Variants in HMCES observed in about 807,000 individuals in gnomAD.
The protein encoded by HMCES is abasic site processing protein HMCES.
HMCES carries 27 observed loss-of-function variants against 35.1 expected under a neutral mutation model. That is an observed-to-expected ratio of 0.77 (90% CI 0.57 to 1.06). The LOEUF (loss-of-function observed/expected upper bound fraction) is 1.06. Ranked by LOEUF, HMCES falls within the 50% of genes least tolerant of loss-of-function variation. The pLI, the probability that HMCES is intolerant of heterozygous loss-of-function variation, is 0.00. For synonymous variants in HMCES, 130 were observed against 154.7 expected (o/e 0.84, Z 1.18); for missense variants, 391 against 430.4 (o/e 0.91, Z 0.81).
chr3:129,304,519 C>T, intron 6 of HMCES, 70 bp from the exon 7 acceptor site: 2 of 1,337,010 alleles, frequency 1.5e-6, no homozygotes, highest in Non-Finnish European at 2.1e-6. Context: ...TCCCCTGTTT[C>T]TTCCCTTGGA....
chr3:129,291,032 G>A lies in HMCES; in HGVS notation c.453+228G>A, dbSNP rs141467167. 2.9e-3 allele frequency among the ~76,000 whole-genome samples: 444 copies of A among 152,098 alleles called. 1 individual carries two copies. Among genetic ancestry groups the A allele is most frequent in the Non-Finnish European group, 5.1e-3 (347 of 67,982 alleles). ...AGCCTGGGCAACATGGTGAAACCCC[G>A]TCTCTACAAACAATACAAAACTAGC... is the stretch of plus-strand genomic sequence containing the variant. On this transcript the variant is annotated intron_variant, in intron 4 of 6. Coordinates refer to ENST00000383463, the MANE Select transcript of HMCES (RefSeq NM_020187.3).
At chr3:129,298,650 A>G in intron 5 of HMCES, 115 bp downstream of exon 5, 1 of 875,096 alleles carries the variant, frequency 1.1e-6, no homozygotes, top group Non-Finnish European at 1.7e-6. Context: ...TAAAGTTACA[A>G]TCAGTTTGAC....
chr3:129,283,503 A>T (rs1186222624), intron 2 of HMCES, among the ~76,000 whole-genome samples: 2 of 151,764 alleles, frequency 1.3e-5, no homozygotes, highest in Admixed American at 1.3e-4. Flanking sequence ...TTGAGGGGGA[A>T]GTTCTCACTG....
chr3:129,299,322 C>T (rs1475325693), intron 5 of HMCES, among the ~76,000 whole-genome samples: 1 of 152,120 alleles, frequency 6.6e-6, no homozygotes, highest in Non-Finnish European at 1.5e-5. Context: ...AGTCTTAAAT[C>T]CTGGGGCACA....
At chr3:129,281,343 A>G (rs1351926477) in intron 2 of HMCES, among the ~76,000 whole-genome samples, 2 of 152,196 alleles carry the variant, frequency 1.3e-5, no homozygotes, top group African/African-American at 4.8e-5. Flanking sequence ...TTGTGATAAT[A>G]TGATAGTCAA....
chr3:129,283,224 C>T (rs571518958), intron 2 of HMCES, among the ~76,000 whole-genome samples: 1 of 151,960 alleles, frequency 6.6e-6, no homozygotes, highest in South Asian at 2.1e-4. Context: ...CAGATTTTTT[C>T]AGTATTGTTG....
chr3:129,289,278 G>C (rs73862877), intron 3 of HMCES, among the ~76,000 whole-genome samples: 10,177 of 152,222 alleles, frequency 0.067, 1,096 homozygotes, highest in African/African-American at 0.23. Context: ...CAGTTAGATG[G>C]CAGCTGAGGC....
rs768710600 is a variant in HMCES, at chr3:129,279,766, G to T, written c.34G>T (p.Asp12Tyr). The part of the protein sequence containing the change: ...CGRTSCHLPR[D>Y]VLTRACAYQD... ...GCGAACATCCTGTCACTTACCTAGA[G>T]ATGTTCTCACGAGAGCTTGCGCCTA... The change falls in exon 2 of 7, where the codon GAT (aspartate) becomes TAT (tyrosine). Residue 12 changes from aspartate to tyrosine, a missense_variant. Transcript: ENST00000383463. The surrounding 1 kb of genome is among the most constrained non-coding windows in gnomAD (Gnocchi z 4.2). 6.2e-7 allele frequency: 1 copy of T among 1,613,218 alleles called. No individual in the cohort carries two copies. The highest frequency in any genetic ancestry group is 2.2e-5 in the East Asian group (1 of 44,848).
chr3:129,279,620 G>T lies in HMCES; in HGVS notation c.-23-90G>T, dbSNP rs902956713. Reference sequence around the variant, plus strand: ...GGTGGTCACGGAGGGGCACGGCCCTGTGGGAACGGAAAGAGAAGGCGGGGA... The same window carrying T: ...GGTGGTCACGGAGGGGCACGGCCCTTTGGGAACGGAAAGAGAAGGCGGGGA... On this transcript the variant is annotated intron_variant, in intron 1 of 6. Coordinates refer to ENST00000383463, the MANE Select transcript of HMCES (RefSeq NM_020187.3). This position sits in a 1 kb window ranked among gnomAD's most constrained non-coding sequence, Gnocchi z 4.2. 1.5e-6 allele frequency: 2 copies of T among 1,315,302 alleles called. No homozygotes were observed. The allele number at this position is 1,315,302 out of a possible 1,614,324, so 81.5% of individuals were successfully genotyped here. A position where few individuals can be genotyped will look rare whatever the true frequency, so the allele number is the denominator to read the frequency against.
At position 129,279,869 on chromosome 3, in the gene HMCES, C is replaced by A. The variant is rs574456643; in HGVS notation, c.137C>A (p.Pro46His). Residue 46 changes from proline (P) to histidine (H), a missense_variant, in exon 2 of 7, where the codon CCT becomes CAT. Pro to His is a moderately conservative substitution (Grantham distance 77). Transcript: ENST00000383463. This position sits in a 1 kb window ranked among gnomAD's most constrained non-coding sequence, Gnocchi z 4.2. ...DKYCPSYNKSPQSNSPVLLSR... is the reference protein window; with the variant it reads ...DKYCPSYNKSHQSNSPVLLSR... ...TACTGCCCCTCTTACAACAAGAGTCCTCAATCCAACAGCCCAGTGCTTCTG... is the reference window on the plus strand; with the variant it reads ...TACTGCCCCTCTTACAACAAGAGTCATCAATCCAACAGCCCAGTGCTTCTG... 1 of 1,610,520 alleles carries A rather than the reference C, an allele frequency of 6.2e-7. No individual in the cohort carries two copies. The highest frequency in any genetic ancestry group is 1.1e-5 in the South Asian group (1 of 90,464).
chr3:129,303,573 A>G (rs2071197511), intron 6 of HMCES, among the ~76,000 whole-genome samples: 1 of 152,232 alleles, frequency 6.6e-6, no homozygotes, highest in East Asian at 1.9e-4. Context: ...TCCTAGCCGA[A>G]TATCCTAAAT....
chr3:129,299,197 C>T (rs1052470608), intron 5 of HMCES, among the ~76,000 whole-genome samples: 2 of 152,070 alleles, frequency 1.3e-5, no homozygotes, highest in Non-Finnish European at 2.9e-5. Flanking sequence ...CACTTTACCT[C>T]GACAAGACCT....
At chr3:129,301,030 C>CAAAAAA (rs761152034) in intron 5 of HMCES, among the ~76,000 whole-genome samples, 10,828 of 119,102 alleles carry the variant, frequency 0.091, 531 homozygotes, top group Middle Eastern at 0.21. Context: ...GACTCCATCT[C>CAAAAAA]AAAAAAAAAA....
chr3:129,303,387 T>G (rs1002012359), intron 6 of HMCES, among the ~76,000 whole-genome samples: 2 of 152,222 alleles, frequency 1.3e-5, no homozygotes, highest in Non-Finnish European at 2.9e-5. Flanking sequence ...AGTGTCATCT[T>G]TTTTTCTTTT....
chr3:129,280,053 A>C, intron 2 of HMCES, 138 bp downstream of exon 2: 1 of 661,408 alleles, frequency 1.5e-6, no homozygotes. Context: ...CCAGTTGAGA[A>C]CCTCTCTTGG....
chr3:129,302,569 T>C (rs1422635184), intron 6 of HMCES, among the ~76,000 whole-genome samples: 1 of 151,956 alleles, frequency 6.6e-6, no homozygotes, highest in East Asian at 1.9e-4. Context: ...AAAAATTAGC[T>C]GGGTGTGGTG....
rs376431637 is a variant in HMCES at position 129,304,807 on chromosome 3, G to T, written c.1047G>T (p.Lys349Asn). Reference protein sequence around the residue: ...KREKEEEPVAKRPYSQ With the variant: ...KREKEEEPVANRPYSQ ...AGAAGGAGGAGGAACCTGTGGCCAA[G>T]CGTCCTTACAGCCAGTGACACAGGA... The change falls in exon 7 of 7, where the codon AAG becomes AAT. Residue 349 changes from lysine (K) to asparagine (N), a missense_variant. By Grantham distance (94) the Lys-to-Asn change is moderately conservative. Transcript: ENST00000383463. 26 of 1,614,144 alleles carry T rather than the reference G, an allele frequency of 1.6e-5. No homozygotes were observed. In the African/African-American group the frequency reaches 3.5e-4, roughly 22 times the overall value.
rs757904785 is a variant in HMCES, at chr3:129,279,718, G to C, written c.-15G>C. On this transcript the variant is annotated 5_prime_UTR_variant, in exon 2 of 7. Coordinates refer to ENST00000383463, the MANE Select transcript of HMCES (RefSeq NM_020187.3). This position sits in a 1 kb window ranked among gnomAD's most constrained non-coding sequence, Gnocchi z 4.2. ...CGTTTTGTAATTTAAAGGTTGCGAG[G>C]GGCGGTGTTGAAGAATGTGTGGGCG... The C allele has an allele frequency of 1.2e-6, 2 of 1,612,020 alleles. No individual in the cohort carries two copies. Among genetic ancestry groups the C allele is most frequent in the East Asian group, 4.5e-5 (2 of 44,756 alleles).
At chr3:129,303,167 AG>A (rs1468873144) in intron 6 of HMCES, among the ~76,000 whole-genome samples, 3 of 152,126 alleles carry the variant, frequency 2.0e-5, no homozygotes, top group South Asian at 2.1e-4. Context: ...TGCAGTGGGG[AG>A]AGAAGTTCCA....
Sources: gnomAD v4.1 joint callset for allele counts (sites outside exome capture counted in the v4.1 genomes callset) on GRCh38, gnomAD v4.1.1 for gene constraint, Gnocchi (gnomAD v3.1) non-coding constraint, MANE v1.5 for transcripts, NCBI Gene and HGNC (gene_info 2026-07-23, HGNC 2026-07-21) for gene names.